PGAP4: variants seen among roughly 807,000 people sequenced by gnomAD.
PGAP4 encodes the protein post-GPI attachment to proteins GalNAc transferase 4.
In PGAP4, 12 loss-of-function variants were observed where a neutral mutation model predicts 28.2. The observed-to-expected ratio is 0.42, with a 90% confidence interval of 0.27 to 0.69. The LOEUF is 0.69. PGAP4 is among the 30% of genes least tolerant of loss of function. The pLI is 0.22. For synonymous variants in PGAP4, 205 were observed against 211.8 expected (o/e 0.97, Z 0.28); for missense variants, 425 against 513.5 (o/e 0.83, Z 1.67).
At chr9:101,508,806 G>A (rs1826871597) in intron 2 of PGAP4, among the ~76,000 whole-genome samples, 1 of 152,084 alleles carries the variant, frequency 6.6e-6, no homozygotes, top group Non-Finnish European at 1.5e-5. Context: ...TCGTTTTCCT[G>A]CAATTAGATG....
chr9:101,485,498 C>T (rs1407984699), intron 1 of PGAP4, among the ~76,000 whole-genome samples: 3 of 152,182 alleles, frequency 2.0e-5, no homozygotes, highest in Admixed American at 1.3e-4. Flanking sequence ...ATGTGTAATA[C>T]ACATAAAGTG....
chr9:101,492,985 T>C (rs2118575683), intron 2 of PGAP4, among the ~76,000 whole-genome samples: 1 of 152,168 alleles, frequency 6.6e-6, no homozygotes, highest in Non-Finnish European at 1.5e-5. Context: ...CTGGGCACAG[T>C]GGCTCACACC....
At chr9:101,477,257 G>T in intron 1 of PGAP4, 88 bp from the exon 2 acceptor site, 1 of 1,011,486 alleles carries the variant, frequency 9.9e-7, no homozygotes. Flanking sequence ...CAAGAACTGA[G>T]CTCAGCACAT....
rs975280299 is a variant in PGAP4, at chr9:101,486,008, G to A, written c.-78+941C>T. On this transcript the variant is annotated intron_variant, in intron 1 of 1. Coordinates refer to ENST00000374848, the MANE Select transcript of PGAP4 (RefSeq NM_032342.3). The surrounding 1 kb of genome is among the most constrained non-coding windows in gnomAD (Gnocchi z 4.7). ...ATGTGTTGCTAATGGTCCGCATGGTGAGATCATCATTGGAGCCGCCCTGCG... is the reference window on the plus strand; with the variant it reads ...ATGTGTTGCTAATGGTCCGCATGGTAAGATCATCATTGGAGCCGCCCTGCG... Among the ~76,000 whole-genome samples the A allele has an allele frequency of 6.6e-6, 1 of 152,166 alleles. No individual in the cohort carries two copies. The highest frequency in any genetic ancestry group is 2.4e-5 in the African/African-American group (1 of 41,456).
intron 2 of PGAP4, among the ~76,000 whole-genome samples, chr9:101,498,869 CT>C (rs1349427101): frequency 6.6e-6 from 1 of 151,888 alleles, no homozygotes; most frequent in African/African-American, 2.4e-5. Flanking sequence ...CTTGTGTCTA[CT>C]GTTTAGAATG....
chr9:101,474,986 G>GCTTTTTTTTTTTTTTTTTTTT lies in PGAP4; in HGVS notation c.*894_*895insAAAAAAAAAAAAAAAAAAAAG, dbSNP rs148013361. On this transcript the variant is annotated 3_prime_UTR_variant, in exon 2 of 2. Coordinates refer to ENST00000374848, the MANE Select transcript of PGAP4 (RefSeq NM_032342.3). ...GTCAGGTCTTCTGACTTCAGTCCATGATTTTTTTTTTTTTTTTTCTATAAC... is the reference window on the plus strand; with the variant it reads ...GTCAGGTCTTCTGACTTCAGTCCATGCTTTTTTTTTTTTTTTTTTTTATTTTTTTTTTTTTTTTTCTATAAC... 1.4e-5 allele frequency: 2 copies of GCTTTTTTTTTTTTTTTTTTTT among 141,534 alleles called. No individual in the cohort carries two copies. Among genetic ancestry groups the GCTTTTTTTTTTTTTTTTTTTT allele is most frequent in the Non-Finnish European group, 1.5e-5 (1 of 65,852 alleles). 8.8% of individuals were successfully genotyped at this position (141,534 alleles called of 1,614,324 possible).
At position 101,476,948 on chromosome 9, in the gene PGAP4, A is replaced by C. The variant is rs1016190184; in HGVS notation, c.145T>G (p.Ser49Ala). Residue 49 changes from serine to alanine, a missense_variant, in exon 2 of 2, where the codon TCT becomes GCT. By Grantham distance (99) the Ser-to-Ala change is moderately conservative. Transcript: ENST00000374848. The surrounding 1 kb of genome is among the most constrained non-coding windows in gnomAD (Gnocchi z 7.0). The stretch of plus-strand genomic sequence containing the variant: ...TGCCAATGGCGCAGATAGAAGTAAG[A>C]GTGTAGAAGTCGGTGACAGGCCAGG... Reference protein sequence around the residue: ...APLACHRLLHSYFYLRHWHLN... With the variant: ...APLACHRLLHAYFYLRHWHLN... The C allele has an allele frequency of 1.8e-5, 29 of 1,614,094 alleles. No homozygotes were observed. The highest frequency in any genetic ancestry group is 2.5e-5 in the Non-Finnish European group (29 of 1,180,008).
At chr9:101,494,821 T>G (rs1468438853) in intron 2 of PGAP4, among the ~76,000 whole-genome samples, 1 of 151,570 alleles carries the variant, frequency 6.6e-6, no homozygotes, top group African/African-American at 2.4e-5. Context: ...TTATTTTTAC[T>G]GTATGTAGCA....
intron 2 of PGAP4, among the ~76,000 whole-genome samples, chr9:101,499,281 G>A (rs1019165293): frequency 2.6e-5 from 4 of 152,068 alleles, no homozygotes; most frequent in East Asian, 1.9e-4. Flanking sequence ...GAAGTGGAGG[G>A]ATCAAAGGGC....
rs143577806 is a variant in PGAP4, at chr9:101,474,153, G to A, written c.*1728C>T. The stretch of plus-strand genomic sequence containing the variant: ...AGTGCAGGGGCTTGAAGTCAGAAGA[G>A]CTCCGTTCCCATTTTGGCTATGCTG... On this transcript the variant is annotated 3_prime_UTR_variant, in exon 2 of 2. Transcript: ENST00000374848. The A allele has an allele frequency of 6.6e-6, 1 of 152,278 alleles. No individual in the cohort carries two copies. The highest frequency in any genetic ancestry group is 2.4e-5 in the African/African-American group (1 of 41,570). 9.4% of individuals were successfully genotyped at this position (152,278 alleles called of 1,614,324 possible).
At chr9:101,511,659 G>A (rs1034238825) in intron 2 of PGAP4, among the ~76,000 whole-genome samples, 1 of 152,118 alleles carries the variant, frequency 6.6e-6, no homozygotes, top group Non-Finnish European at 1.5e-5. Flanking sequence ...AGGTATTGGT[G>A]AGGAAACCAT....
rs557639064 is a variant in PGAP4, at chr9:101,476,142, C to T, written c.951G>A (p.Arg317=). ...LVGRHYFLEL[R]RLSPSLYSVV... is the part of the protein sequence containing the mutation. ...CACTGTACAGGGAAGGACTCAGCCG[C>T]CGCAGTTCCAGGAAATAGTGCCGAC... is the stretch of plus-strand genomic sequence containing the variant. The change falls in exon 2 of 2, where the codon CGG becomes CGA. Residue 317 remains arginine (R), a synonymous_variant. Coordinates refer to ENST00000374848, the MANE Select transcript of PGAP4 (RefSeq NM_032342.3). This position sits in a 1 kb window ranked among gnomAD's most constrained non-coding sequence, Gnocchi z 7.0. The T allele has an allele frequency of 5.6e-6, 9 of 1,614,120 alleles. No individual in the cohort carries two copies. In the South Asian group the frequency reaches 8.8e-5, roughly 16 times the overall value.
intron 2 of PGAP4, among the ~76,000 whole-genome samples, chr9:101,526,216 A>G (rs533695144): frequency 6.6e-6 from 1 of 152,368 alleles, no homozygotes; most frequent in African/African-American, 2.4e-5. Flanking sequence ...AGCCTTGGCC[A>G]TCACTCTGTT....
intron 2 of PGAP4, among the ~76,000 whole-genome samples, chr9:101,493,482 TA>T (rs1826710442): frequency 6.6e-6 from 1 of 152,156 alleles, no homozygotes; most frequent in African/African-American, 2.4e-5. Flanking sequence ...ACTCCATGAA[TA>T]TGTAAAATAT....
chr9:101,494,176 T>G (rs1463949047), intron 2 of PGAP4, among the ~76,000 whole-genome samples: 1 of 151,970 alleles, frequency 6.6e-6, no homozygotes, highest in Non-Finnish European at 1.5e-5. Context: ...AAGATAGGCA[T>G]TTTATGTACA....
At chr9:101,490,195 T>C (rs1200962546), upstream of PGAP4, among the ~76,000 whole-genome samples, 1 of 152,146 alleles carries the variant, frequency 6.6e-6, no homozygotes, top group African/African-American at 2.4e-5. Flanking sequence ...TTTATTTTTT[T>C]ACTTTATTTT....
intron 2 of PGAP4, among the ~76,000 whole-genome samples, chr9:101,492,224 C>T (rs1011378089): frequency 2.6e-5 from 4 of 151,516 alleles, no homozygotes; most frequent in East Asian, 1.9e-4. Context: ...GACGGAGTCT[C>T]GCTCTGTTGC....
intron 2 of PGAP4, among the ~76,000 whole-genome samples, chr9:101,525,261 C>A (rs1210549783): frequency 1.3e-5 from 2 of 151,980 alleles, no homozygotes; most frequent in African/African-American, 4.8e-5. Flanking sequence ...ATATTAAACC[C>A]CCTTCATATT....
chr9:101,481,857 C>G (rs948723448), intron 1 of PGAP4, among the ~76,000 whole-genome samples: 69 of 152,132 alleles, frequency 4.5e-4, no homozygotes, highest in Non-Finnish European at 1.6e-4. Context: ...AACTTCTCAC[C>G]TCCACGCAGT....
Sources: allele counts gnomAD v4.1 joint callset (sites outside exome capture counted in the v4.1 genomes callset), GRCh38; gene constraint gnomAD v4.1.1; non-coding constraint Gnocchi (gnomAD v3.1); transcripts MANE v1.5; gene names NCBI Gene and HGNC (gene_info 2026-07-23, HGNC 2026-07-21).